ASH1L: variants seen among roughly 807,000 people sequenced by gnomAD.
ASH1L encodes the protein ASH1 like histone lysine methyltransferase.
Under a neutral mutation model 269.0 loss-of-function variants are expected in ASH1L, and 23 were observed. The observed-to-expected ratio is 0.09, with a 90% CI of 0.06 to 0.12. ASH1L has a LOEUF of 0.12. Among genes scored for constraint, ASH1L ranks in the 10% least tolerant of loss-of-function variants. ASH1L has a pLI of 1.00. For synonymous variants in ASH1L, 1,187 were observed against 1,253.5 expected (o/e 0.95, Z 1.12); for missense variants, 2,912 against 3,567.8 (o/e 0.82, Z 4.68).
chr1:155,520,975 A>C, intron 2 of ASH1L, 125 bp downstream of exon 2: 1 of 1,107,036 alleles, frequency 9.0e-7, no homozygotes, highest in Non-Finnish European at 1.3e-6. Context: ...AAGGCTCACA[A>C]AAACAAACTA....
Position 155,478,016 on chromosome 1 carries a change from G to A in ASH1L, c.4854C>T (p.Asn1618=). Residue 1618 remains asparagine, a synonymous_variant, in exon 3 of 28, where the codon AAC becomes AAT. Transcript: ENST00000392403. This position sits in a 1 kb window ranked among gnomAD's most constrained non-coding sequence, Gnocchi z 4.6. ...TSAIGSCRVS[N]PNSSGRKKLT... is the part of the protein sequence containing the mutation. Reference sequence around the variant, plus strand: ...ATTTCTTCCGGCCACTGGAGTTAGGGTTTGAAACTCTGCAGCTGCCTATTG... The same window carrying A: ...ATTTCTTCCGGCCACTGGAGTTAGGATTTGAAACTCTGCAGCTGCCTATTG... 6.2e-7 allele frequency: 1 copy of A among 1,614,194 alleles called. No individual in the cohort carries two copies. Among genetic ancestry groups the A allele is most frequent in the Middle Eastern group, 1.6e-4 (1 of 6,062 alleles).
intron 3 of ASH1L, among the ~76,000 whole-genome samples, chr1:155,465,180 G>T (rs1490621866): frequency 6.7e-6 from 1 of 150,370 alleles, no homozygotes; most frequent in African/African-American, 2.5e-5. Flanking sequence ...AGTGGTGGAG[G>T]CATCCCAAAG....
chr1:155,374,603 C>A (rs1317805959), intron 10 of ASH1L, among the ~76,000 whole-genome samples: 1 of 152,184 alleles, frequency 6.6e-6, no homozygotes, highest in Non-Finnish European at 1.5e-5. Context: ...TTCTTTGGTA[C>A]ATGAATATTA....
At chr1:155,460,224 A>G (rs1664186521) in intron 3 of ASH1L, among the ~76,000 whole-genome samples, 1 of 152,222 alleles carries the variant, frequency 6.6e-6, no homozygotes, top group African/African-American at 2.4e-5. Flanking sequence ...ATTGATACAA[A>G]TTACTAACAA....
At chr1:155,407,853 A>T (rs1571129146) in intron 6 of ASH1L, among the ~76,000 whole-genome samples, 2 of 140,832 alleles carry the variant, frequency 1.4e-5, no homozygotes, top group South Asian at 2.2e-4. Flanking sequence ...AGGACTGGTT[A>T]AAAAAAAAAA....
chr1:155,409,557 T>C (rs1456001000), intron 6 of ASH1L, among the ~76,000 whole-genome samples: 3 of 152,114 alleles, frequency 2.0e-5, no homozygotes, highest in African/African-American at 7.2e-5. Context: ...GGACAATAAG[T>C]GGGATGCAAA....
intron 7 of ASH1L, among the ~76,000 whole-genome samples, chr1:155,380,436 G>A (rs1656832817): frequency 6.6e-6 from 1 of 152,006 alleles, no homozygotes; most frequent in African/African-American, 2.4e-5. Flanking sequence ...TACAGCATCT[G>A]GCACCTGCTC....
At chr1:155,401,868 C>A (rs907821755) in intron 6 of ASH1L, among the ~76,000 whole-genome samples, 12 of 151,938 alleles carry the variant, frequency 7.9e-5, no homozygotes, top group Non-Finnish European at 1.6e-4. Flanking sequence ...GCAGGTGGAT[C>A]ACCTGAGGTC....
At chr1:155,350,174 C>T (rs1235868103) in intron 17 of ASH1L, among the ~76,000 whole-genome samples, 1 of 152,162 alleles carries the variant, frequency 6.6e-6, no homozygotes, top group African/African-American at 2.4e-5. Context: ...GCGTGAGCCA[C>T]CGTGTCCGGC....
At chr1:155,558,812 A>G (rs1448904536) in intron 1 of ASH1L, among the ~76,000 whole-genome samples, 1 of 149,738 alleles carries the variant, frequency 6.7e-6, no homozygotes, top group Non-Finnish European at 1.5e-5. Flanking sequence ...GATCATAGGG[A>G]TAACCCACTA....
intron 5 of ASH1L, 112 bp from the exon 6 acceptor site, chr1:155,416,035 T>A (rs543793539): frequency 1.2e-6 from 1 of 810,808 alleles, no homozygotes; most frequent in African/African-American, 1.8e-5. Flanking sequence ...ATATGGGGAC[T>A]TCCTTATCTG....
rs769379220 is a variant in ASH1L, at chr1:155,377,762, C to A, written c.6332+519G>T. Among the ~76,000 whole-genome samples, 3 of 152,136 alleles carry A rather than the reference C, an allele frequency of 2.0e-5. No homozygotes were observed. The East Asian group carries it at 5.8e-4, about 29-fold the overall frequency. On this transcript the variant is annotated intron_variant, in intron 10 of 27. Transcript: ENST00000392403. ...AGGATTGGCTGGGCGCGGTGGCTCACGCCTGTAATCCCAGCACTTTGGGAG... is the reference window on the plus strand; with the variant it reads ...AGGATTGGCTGGGCGCGGTGGCTCAAGCCTGTAATCCCAGCACTTTGGGAG...
chr1:155,454,775 T>C (rs1412749138), intron 4 of ASH1L, among the ~76,000 whole-genome samples: 2 of 151,896 alleles, frequency 1.3e-5, no homozygotes, highest in Non-Finnish European at 2.9e-5. Context: ...TCAAAAATAA[T>C]AAATAAATAA....
At chr1:155,446,214 A>G (rs951883141) in intron 4 of ASH1L, among the ~76,000 whole-genome samples, 2 of 151,084 alleles carry the variant, frequency 1.3e-5, no homozygotes, top group African/African-American at 2.4e-5. Flanking sequence ...GATCCCGTAC[A>G]TGTTTTTCTA....
intron 2 of ASH1L, among the ~76,000 whole-genome samples, chr1:155,496,685 C>T (rs892624267): frequency 6.6e-6 from 1 of 152,170 alleles, no homozygotes; most frequent in East Asian, 1.9e-4. Flanking sequence ...GTCACATAGG[C>T]TGGAGTTCAG....
intron 27 of ASH1L, 71 bp downstream of exon 27, chr1:155,338,018 T>TA: frequency 6.8e-7 from 1 of 1,466,478 alleles, no homozygotes; most frequent in Non-Finnish European, 9.3e-7. Context: ...AACCAGTAAT[T>TA]ACAATTTTTT....
At chr1:155,362,241 G>A (rs1032519440) in intron 12 of ASH1L, among the ~76,000 whole-genome samples, 1 of 151,554 alleles carries the variant, frequency 6.6e-6, no homozygotes, top group Non-Finnish European at 1.5e-5. Context: ...TCATCATGTT[G>A]GCCAGTACGG....
intron 19 of ASH1L, among the ~76,000 whole-genome samples, chr1:155,349,117 T>A (rs1043862004): frequency 6.6e-6 from 1 of 152,052 alleles, no homozygotes; most frequent in African/African-American, 2.4e-5. Flanking sequence ...GGGGAATGAT[T>A]TAACCTTCCA....
chr1:155,357,764 A>C lies in ASH1L; in HGVS notation c.6796-15T>G. On this transcript the variant is annotated splice_polypyrimidine_tract_variant and intron_variant, in intron 13 of 27. Coordinates refer to ENST00000392403, the MANE Select transcript of ASH1L (RefSeq NM_018489.3). ...TTACAAAGTTGCTTTGAAGGGAGAG[A>C]ATAATTTTTTTATTTTTATTTTTTT... 6.3e-7 allele frequency: 1 copy of C among 1,594,812 alleles called. No homozygotes were observed. The highest frequency in any genetic ancestry group is 8.5e-7 in the Non-Finnish European group (1 of 1,174,250).
Sources: allele counts gnomAD v4.1 joint callset (sites outside exome capture counted in the v4.1 genomes callset), GRCh38; gene constraint gnomAD v4.1.1; non-coding constraint Gnocchi (gnomAD v3.1); transcripts MANE v1.5; gene names NCBI Gene and HGNC (gene_info 2026-07-23, HGNC 2026-07-21).